CLEC9A: variants seen among roughly 807,000 people sequenced by gnomAD.
CLEC9A encodes C-type lectin domain containing 9A, also known as C-type lectin domain family 9 member A.
Under a neutral mutation model 30.0 loss-of-function variants are expected in CLEC9A, and 24 were observed. The ratio of observed to expected loss-of-function variants is 0.80; its 90% CI spans 0.58 to 1.13. The LOEUF is 1.13. Among genes scored for constraint, CLEC9A ranks in the 50% most tolerant of loss-of-function variants. The probability of loss-of-function intolerance (pLI) is 0.00; values close to 1 mark genes in which losing one functional copy is unlikely to be tolerated. For synonymous variants in CLEC9A, 111 were observed against 96.8 expected (o/e 1.15, Z -0.86); for missense variants, 251 against 280.9 (o/e 0.89, Z 0.76).
At chr12:10,042,893 C>T (rs1169883894) in intron 2 of CLEC9A, among the ~76,000 whole-genome samples, 1 of 152,154 alleles carries the variant, frequency 6.6e-6, no homozygotes, top group Non-Finnish European at 1.5e-5. Context: ...TCTCTGTTCA[C>T]ATTTATTCCT....
At chr12:10,036,497 T>A (rs1865744969) in intron 1 of CLEC9A, among the ~76,000 whole-genome samples, 1 of 152,236 alleles carries the variant, frequency 6.6e-6, no homozygotes, top group Non-Finnish European at 1.5e-5. Context: ...TGAAAAGCTA[T>A]GACCAATTAC....
intron 1 of CLEC9A, among the ~76,000 whole-genome samples, chr12:10,040,224 C>T (rs1158567577): frequency 6.6e-6 from 1 of 152,190 alleles, no homozygotes; most frequent in Admixed American, 6.5e-5. Context: ...TCCTTCACCT[C>T]TCTGAACTCA....
intron 6 of CLEC9A, among the ~76,000 whole-genome samples, chr12:10,061,671 C>CA (rs527297031): frequency 1.8e-4 from 27 of 152,026 alleles, no homozygotes; most frequent in African/African-American, 5.3e-4. Flanking sequence ...TAGCTTTGAG[C>CA]AAAAAAATTC....
chr12:10,040,590 A>G (rs1865785735), intron 1 of CLEC9A, among the ~76,000 whole-genome samples: 1 of 151,764 alleles, frequency 6.6e-6, no homozygotes, highest in African/African-American at 2.4e-5. Flanking sequence ...AGCGGGGACT[A>G]CAGGCGCCCG....
At chr12:10,051,633 C>T (rs1865893277) in intron 2 of CLEC9A, among the ~76,000 whole-genome samples, 1 of 152,102 alleles carries the variant, frequency 6.6e-6, no homozygotes, top group South Asian at 2.1e-4. Flanking sequence ...CAGTGAGATA[C>T]TGAAACAAAA....
intron 2 of CLEC9A, among the ~76,000 whole-genome samples, chr12:10,043,820 T>C (rs1211434613): frequency 6.6e-6 from 1 of 152,018 alleles, no homozygotes; most frequent in East Asian, 1.9e-4. Context: ...CAGCTGGGAT[T>C]ACAGGCACGC....
At position 10,052,764 on chromosome 12, in the gene CLEC9A, C is replaced by T. The variant is rs1363718130; in HGVS notation, c.77C>T (p.Ser26Phe). 4 of 1,613,630 alleles carry T rather than the reference C, an allele frequency of 2.5e-6. No homozygotes were observed. Among genetic ancestry groups the T allele is most frequent in the Admixed American group, 1.7e-5 (1 of 59,992 alleles). The change falls in exon 4 of 9, where the codon TCC (serine) becomes TTC (phenylalanine). Residue 26 changes from serine to phenylalanine, a missense_variant. Transcript: ENST00000355819. ...GACACTTACCAGAAATGTCTGTCTTCCAACAAATGTTCAGGTAACCAGTTC... is the reference window on the plus strand; with the variant it reads ...GACACTTACCAGAAATGTCTGTCTTTCAACAAATGTTCAGGTAACCAGTTC... ...APDTYQKCLS[S>F]NKCSGACCLV... is the part of the protein sequence containing the mutation.
chr12:10,038,789 T>C (rs2137297382), intron 1 of CLEC9A, among the ~76,000 whole-genome samples: 2 of 152,346 alleles, frequency 1.3e-5, no homozygotes, highest in South Asian at 4.1e-4. Context: ...TGTGTGTGTG[T>C]GATTCTCCAG....
In CLEC9A at chr12:10,063,213, A is replaced by G. The variant is rs766306261; in HGVS notation, c.471+7A>G. Reference sequence around the variant, plus strand: ...AGAGAGCAAAGAAGAAATGGTAAACACTGTTTTGTGGTCTCATGTTATTCT... The same window carrying G: ...AGAGAGCAAAGAAGAAATGGTAAACGCTGTTTTGTGGTCTCATGTTATTCT... On this transcript the variant is annotated splice_region_variant and intron_variant, in intron 7 of 8. Transcript: ENST00000355819. The G allele has an allele frequency of 3.2e-6, 5 of 1,585,554 alleles. No homozygotes were observed. Among genetic ancestry groups the G allele is most frequent in the East Asian group, 2.3e-5 (1 of 43,328 alleles).
chr12:10,036,472 GT>G (rs780360130), intron 1 of CLEC9A, among the ~76,000 whole-genome samples: 1 of 152,188 alleles, frequency 6.6e-6, no homozygotes, highest in Non-Finnish European at 1.5e-5. Flanking sequence ...TAGCTTAAAG[GT>G]GGTAAGAAGT....
At chr12:10,054,391 A>G (rs1474168158) in intron 5 of CLEC9A, 40 bp downstream of exon 5, 19 of 1,323,352 alleles carry the variant, frequency 1.4e-5, no homozygotes, top group Non-Finnish European at 1.9e-5. Context: ...GTATATCGTT[A>G]TATATAAAAC....
intron 2 of CLEC9A, among the ~76,000 whole-genome samples, chr12:10,042,640 C>T (rs994932911): frequency 1.3e-5 from 2 of 152,242 alleles, no homozygotes; most frequent in Non-Finnish European, 1.5e-5. Context: ...AAATAACATA[C>T]TATACAGTAT....
At chr12:10,061,641 GTTTTAGAT>G (rs1483237628) in intron 6 of CLEC9A, among the ~76,000 whole-genome samples, 2 of 152,154 alleles carry the variant, frequency 1.3e-5, no homozygotes, top group East Asian at 3.9e-4. Flanking sequence ...TTTAGATATT[GTTTTAGAT>G]TCAAGTTTAG....
At chr12:10,045,874 T>G (rs1030327858) in intron 2 of CLEC9A, among the ~76,000 whole-genome samples, 3 of 152,244 alleles carry the variant, frequency 2.0e-5, no homozygotes. Flanking sequence ...TCTTCTTGTC[T>G]AATTTCTAAT....
intron 2 of CLEC9A, chr12:10,043,376 C>G (rs775122965): frequency 5.6e-6 from 1 of 178,460 alleles, no homozygotes; most frequent in Non-Finnish European, 1.2e-5. Context: ...TCTTGAGATC[C>G]GCTCTCATCT....
chr12:10,039,830 T>G (rs1865775573), intron 1 of CLEC9A, among the ~76,000 whole-genome samples: 1 of 149,104 alleles, frequency 6.7e-6, no homozygotes, highest in South Asian at 2.1e-4. Flanking sequence ...ATTTATTTAT[T>G]TATTTATTTG....
chr12:10,051,878 C>T (rs563049162), intron 2 of CLEC9A, 113 bp from the exon 3 acceptor site: 1 of 152,284 alleles, frequency 6.6e-6, no homozygotes, highest in East Asian at 1.9e-4. Flanking sequence ...AAGCTCAAAC[C>T]TTATGTCCAA....
intron 5 of CLEC9A, among the ~76,000 whole-genome samples, chr12:10,059,855 A>G (rs1406645309): frequency 6.6e-6 from 1 of 152,246 alleles, no homozygotes; most frequent in African/African-American, 2.4e-5. Context: ...TCTAGTTAGT[A>G]AAAAACTAGA....
chr12:10,036,973 G>A (rs1009937610), intron 1 of CLEC9A, among the ~76,000 whole-genome samples: 61 of 152,180 alleles, frequency 4.0e-4, no homozygotes, highest in African/African-American at 1.4e-3. Context: ...CTTAGAAGCT[G>A]CGTAGAAACA....
Sources: gnomAD v4.1 joint callset for allele counts (sites outside exome capture counted in the v4.1 genomes callset) on GRCh38, gnomAD v4.1.1 for gene constraint, MANE v1.5 for transcripts, NCBI Gene and HGNC (gene_info 2026-07-23, HGNC 2026-07-21) for gene names.